Variants in SPRED3 observed in about 807,000 individuals in gnomAD.
The protein encoded by SPRED3 is sprouty related EVH1 domain containing 3.
Under a neutral mutation model 37.6 loss-of-function variants are expected in SPRED3, and 23 were observed. The ratio of observed to expected loss-of-function variants is 0.61; its 90% CI spans 0.44 to 0.87. The LOEUF is 0.87. Ranked by LOEUF, SPRED3 falls within the 40% of genes least tolerant of loss-of-function variation. The pLI is 0.00. For missense variants in SPRED3, 584 were observed against 618.6 expected (o/e 0.94, Z 0.59); for synonymous variants, 302 against 279.6 (o/e 1.08, Z -0.80).
intron 2 of SPRED3, among the ~76,000 whole-genome samples, chr19:38,391,451 AG>A (rs1408829425): frequency 6.6e-6 from 1 of 152,048 alleles, no homozygotes; most frequent in African/African-American, 2.4e-5. Flanking sequence ...GTTGAGCCAG[AG>A]GGGGGATGTT....
In SPRED3 at chr19:38,395,350, G is replaced by T; in HGVS notation, c.568-130G>T. ...GTCCCTGGAGAAAAGTGGGGATTGA[G>T]GGACCTTGGGAGAGAAGCAAGCTGG... On this transcript the variant is annotated intron_variant, in intron 5 of 5. Transcript: ENST00000691638. The surrounding 1 kb of genome is among the most constrained non-coding windows in gnomAD (Gnocchi z 5.2). 5.7e-6 allele frequency: 5 copies of T among 876,246 alleles called. No homozygotes were observed. The Middle Eastern group carries it at 1.2e-3, about 205-fold the overall frequency. The allele number at this position is 876,246 out of a possible 1,614,324, so 54.3% of individuals were successfully genotyped here.
At chr19:38,389,155 C>A (rs1970789462) in intron 1 of SPRED3, among the ~76,000 whole-genome samples, 1 of 152,228 alleles carries the variant, frequency 6.6e-6, no homozygotes, top group Admixed American at 6.5e-5. Flanking sequence ...CCTGGGGGGA[C>A]CCCTGCTCTC....
At chr19:38,392,945 G>C (rs12608722) in intron 4 of SPRED3, among the ~76,000 whole-genome samples, 16,645 of 152,092 alleles carry the variant, frequency 0.11, 1,118 homozygotes, top group East Asian at 0.28. Flanking sequence ...ACACTCAGAA[G>C]CCTCCCAGGG....
chr19:38,396,123 G>T lies in SPRED3; in HGVS notation c.1211G>T (p.Arg404Leu). 1 of 1,280,994 alleles carries T rather than the reference G, an allele frequency of 7.8e-7. No homozygotes were observed. The highest frequency in any genetic ancestry group is 9.8e-7 in the Non-Finnish European group (1 of 1,017,594). 79.4% of individuals were successfully genotyped at this position (1,280,994 alleles called of 1,614,324 possible). The part of the protein sequence containing the change: ...ARCGCAGCGG[R>L]HEEAAR ...TGCGGCTGCGCCGGCTGCGGGGGTC[G>T]CCACGAGGAGGCTGCGCGGTGAGGA... Residue 404 changes from arginine to leucine, a missense_variant, in exon 6 of 6, where the codon CGC becomes CTC. Transcript: ENST00000691638.
rs1214061116 is a variant in SPRED3 at position 38,398,649 on chromosome 19, A to G, written c.*2504A>G. 6.6e-6 allele frequency: 1 copy of G among 152,150 alleles called. No homozygotes were observed. Among genetic ancestry groups the G allele is most frequent in the Non-Finnish European group, 1.5e-5 (1 of 68,048 alleles). 9.4% of individuals were successfully genotyped at this position (152,150 alleles called of 1,614,324 possible). On this transcript the variant is annotated 3_prime_UTR_variant, in exon 6 of 6. Coordinates refer to ENST00000691638, the MANE Select transcript of SPRED3 (RefSeq NM_001394336.1). ...CCACAGGCTTTTTTCCCCCAAGTGA[A>G]ATGGGGCTTCCAGTGGATCGAAGAT...
At position 38,396,927 on chromosome 19, in the gene SPRED3, G is replaced by A. The variant is rs537429695; in HGVS notation, c.*782G>A. On this transcript the variant is annotated 3_prime_UTR_variant, in exon 6 of 6. Transcript: ENST00000691638. ...AGTGCTCGGATATACTGAAACACGA[G>A]CTGTTCTCTTACCAAAATGACTTGG... is the stretch of plus-strand genomic sequence containing the variant. 1 of 152,162 alleles carries A rather than the reference G, an allele frequency of 6.6e-6. No homozygotes were observed. Among genetic ancestry groups the A allele is most frequent in the South Asian group, 2.1e-4 (1 of 4,802 alleles). 9.4% of individuals were successfully genotyped at this position (152,162 alleles called of 1,614,324 possible).
At chr19:38,394,092 T>C (rs1436633779) in intron 4 of SPRED3, among the ~76,000 whole-genome samples, 1 of 152,212 alleles carries the variant, frequency 6.6e-6, no homozygotes, top group Admixed American at 6.5e-5. Context: ...GTAGGAGTTA[T>C]GTCCAAGTGG....
At chr19:38,393,554 T>A (rs1186345150) in intron 4 of SPRED3, among the ~76,000 whole-genome samples, 2 of 152,058 alleles carry the variant, frequency 1.3e-5, no homozygotes, top group Admixed American at 1.3e-4. Context: ...GTCAGGCTGA[T>A]CTCAAACTCC....
intron 4 of SPRED3, chr19:38,392,588 TG>T (rs1970846746): frequency 3.1e-6 from 1 of 326,086 alleles, no homozygotes; most frequent in Non-Finnish European, 5.5e-6. Flanking sequence ...TATTCTAGTG[TG>T]GAAAGGCAGA....
Position 38,395,476 on chromosome 19 carries a change from G to T in SPRED3, c.568-4G>T. ...TCTGATCTGTTTGTCCCTTCGTTCC[G>T]CAGAGCTACCCTCCGCTTCTACCGT... On this transcript the variant is annotated splice_polypyrimidine_tract_variant and splice_region_variant and intron_variant, in intron 5 of 5. Coordinates refer to ENST00000691638, the MANE Select transcript of SPRED3 (RefSeq NM_001394336.1). The surrounding 1 kb of genome is among the most constrained non-coding windows in gnomAD (Gnocchi z 5.2). 1.4e-6 allele frequency: 2 copies of T among 1,465,220 alleles called. No individual in the cohort carries two copies. Among genetic ancestry groups the T allele is most frequent in the Non-Finnish European group, 1.8e-6 (2 of 1,109,958 alleles). 90.8% of individuals were successfully genotyped at this position (1,465,220 alleles called of 1,614,324 possible).
chr19:38,393,804 T>C (rs1006535281), intron 4 of SPRED3, among the ~76,000 whole-genome samples: 49 of 152,276 alleles, frequency 3.2e-4, no homozygotes, highest in African/African-American at 1.1e-3. Flanking sequence ...ATGCACATAA[T>C]ATCGGGTGCA....
intron 4 of SPRED3, 148 bp downstream of exon 4, chr19:38,392,436 C>A: frequency 2.4e-6 from 2 of 850,076 alleles, no homozygotes; most frequent in Non-Finnish European, 3.4e-6. Context: ...TCAATTCAAT[C>A]CCAGTTATTC....
intron 4 of SPRED3, among the ~76,000 whole-genome samples, chr19:38,394,147 A>G (rs1256012681): frequency 6.6e-6 from 1 of 152,240 alleles, no homozygotes; most frequent in East Asian, 1.9e-4. Flanking sequence ...AGCTAGTTTC[A>G]GAACAGAGGC....
In SPRED3 at chr19:38,396,653, C is replaced by G. The variant is rs1159936994; in HGVS notation, c.*508C>G. The G allele has an allele frequency of 1.3e-5, 2 of 152,268 alleles. No homozygotes were observed. The highest frequency in any genetic ancestry group is 2.9e-5 in the Non-Finnish European group (2 of 68,124). 9.4% of individuals were successfully genotyped at this position (152,268 alleles called of 1,614,324 possible). On this transcript the variant is annotated 3_prime_UTR_variant, in exon 6 of 6. Transcript: ENST00000691638. ...CCCACAAACAGTTCCTGAATATTCA[C>G]CTAAGACCTGGTGCCCCCACATCTG... is the stretch of plus-strand genomic sequence containing the variant.
chr19:38,395,356 T>C lies in SPRED3; in HGVS notation c.568-124T>C. 1 of 960,396 alleles carries C rather than the reference T, an allele frequency of 1.0e-6. No individual in the cohort carries two copies. The highest frequency in any genetic ancestry group is 1.4e-6 in the Non-Finnish European group (1 of 694,768). 59.5% of individuals were successfully genotyped at this position (960,396 alleles called of 1,614,324 possible). A position where few individuals can be genotyped will look rare whatever the true frequency, so the allele number is the denominator to read the frequency against. On this transcript the variant is annotated intron_variant, in intron 5 of 5. Transcript: ENST00000691638. The surrounding 1 kb of genome is among the most constrained non-coding windows in gnomAD (Gnocchi z 5.2). Reference sequence around the variant, plus strand: ...GGAGAAAAGTGGGGATTGAGGGACCTTGGGAGAGAAGCAAGCTGGGGTCTT... The same window carrying C: ...GGAGAAAAGTGGGGATTGAGGGACCCTGGGAGAGAAGCAAGCTGGGGTCTT...
chr19:38,391,364 T>G (rs1321122821), intron 2 of SPRED3, among the ~76,000 whole-genome samples: 2 of 149,098 alleles, frequency 1.3e-5, no homozygotes, highest in African/African-American at 5.0e-5. Flanking sequence ...ATTTTTTGGG[T>G]AAAGTTTCCA....
In SPRED3 at chr19:38,396,242, A is replaced by G; in HGVS notation, c.*97A>G. The G allele has an allele frequency of 1.1e-6, 1 of 906,852 alleles. No homozygotes were observed. The allele number at this position is 906,852 out of a possible 1,614,324, so 56.2% of individuals were successfully genotyped here. A position where few individuals can be genotyped will look rare whatever the true frequency, so the allele number is the denominator to read the frequency against. The stretch of plus-strand genomic sequence containing the variant: ...GGACCTAAAACCCAAACCTAGGCAC[A>G]TCCGGAACTTGGAGCTTGAGTTTGG... On this transcript the variant is annotated 3_prime_UTR_variant, in exon 6 of 6. Transcript: ENST00000691638.
In SPRED3 at chr19:38,397,666, G is replaced by C. The variant is rs914601669; in HGVS notation, c.*1521G>C. 2 of 151,896 alleles carry C rather than the reference G, an allele frequency of 1.3e-5. No homozygotes were observed. The highest frequency in any genetic ancestry group is 4.8e-5 in the African/African-American group (2 of 41,324). The allele number at this position is 151,896 out of a possible 1,614,324, so 9.4% of individuals were successfully genotyped here. On this transcript the variant is annotated 3_prime_UTR_variant, in exon 6 of 6. Coordinates refer to ENST00000691638, the MANE Select transcript of SPRED3 (RefSeq NM_001394336.1). The stretch of plus-strand genomic sequence containing the variant: ...ATCCATAGGCCCCTAAAACCCCAAG[G>C]TTCCAGCCTCTGGAATTCTGGTCCC...
Position 38,395,931 on chromosome 19 carries a change from A to C in SPRED3, c.1019A>C (p.Tyr340Ser). ...CTGTGGTGCGCCGAGAGCTTGCTCT[A>C]CCACTGCCTGTCGGACGCCGAGGGC... Reference protein sequence around the residue: ...SCLWCAESLLYHCLSDAEGDF... With the variant: ...SCLWCAESLLSHCLSDAEGDF... Residue 340 changes from tyrosine to serine, a missense_variant, in exon 6 of 6, where the codon TAC becomes TCC. Physicochemically the swap from Tyr to Ser is moderately radical, Grantham distance 144. Transcript: ENST00000691638. The surrounding 1 kb of genome is among the most constrained non-coding windows in gnomAD (Gnocchi z 5.2). 6.6e-7 allele frequency: 1 copy of C among 1,507,726 alleles called. No individual in the cohort carries two copies. The highest frequency in any genetic ancestry group is 8.8e-7 in the Non-Finnish European group (1 of 1,137,128). 93.4% of individuals were successfully genotyped at this position (1,507,726 alleles called of 1,614,324 possible).
Sources: gnomAD v4.1 joint callset for allele counts (sites outside exome capture counted in the v4.1 genomes callset) on GRCh38, gnomAD v4.1.1 for gene constraint, Gnocchi (gnomAD v3.1) non-coding constraint, MANE v1.5 for transcripts, NCBI Gene and HGNC (gene_info 2026-07-23, HGNC 2026-07-21) for gene names.